The following POU6F2 variants were observed in gnomAD, a reference collection of about 807,000 sequenced individuals.
POU6F2 encodes POU domain, class 6, transcription factor 2.
Under a neutral mutation model 71.3 loss-of-function variants are expected in POU6F2, and 31 were observed. The ratio of observed to expected loss-of-function variants is 0.43; its 90% CI spans 0.33 to 0.59. The LOEUF is 0.59. Ranked by LOEUF, POU6F2 falls within the 20% of genes least tolerant of loss-of-function variation. The probability of loss-of-function intolerance (pLI) is 0.04; values close to 1 mark genes in which losing one functional copy is unlikely to be tolerated. For missense variants in POU6F2, 783 were observed against 856.8 expected (o/e 0.91, Z 1.07); for synonymous variants, 347 against 355.7 (o/e 0.98, Z 0.27).
At position 39,039,833 on chromosome 7, in the gene POU6F2, T is replaced by C. The variant is rs563864998; in HGVS notation, c.106-46027T>C. Among the ~76,000 whole-genome samples the C allele has an allele frequency of 4.6e-4, 69 of 150,854 alleles. 1 individual carries two copies. The highest frequency in any genetic ancestry group is 1.6e-3 in the African/African-American group (64 of 41,160). ...AGGTGGAGAGTGCATTTGGAAATCATACTGTGAAACCAGAAGTTTGACTGG... is the reference window on the plus strand; with the variant it reads ...AGGTGGAGAGTGCATTTGGAAATCACACTGTGAAACCAGAAGTTTGACTGG... On this transcript the variant is annotated intron_variant, in intron 1 of 9. Coordinates refer to ENST00000518318, the MANE Select transcript of POU6F2 (RefSeq NM_001370959.1).
chr7:39,015,700 T>TATATATATATAGATATATA lies in POU6F2; in HGVS notation c.105+37648_105+37649insATATAGATATATAATATAT, dbSNP rs1554308032. Among the ~76,000 whole-genome samples the TATATATATATAGATATATA allele has an allele frequency of 3.2e-4, 27 of 84,490 alleles. 1 individual carries two copies. In the East Asian group the frequency reaches 7.3e-3, roughly 23 times the overall value. The allele number at this position is 84,490 out of a possible 152,430, so 55.4% of individuals were successfully genotyped here. On this transcript the variant is annotated intron_variant, in intron 1 of 9. Coordinates refer to ENST00000518318, the MANE Select transcript of POU6F2 (RefSeq NM_001370959.1). ...ATCTATGTTATATATCTATATATTATATATATCTATGTTATATAGAGATAT... is the reference window on the plus strand; with the variant it reads ...ATCTATGTTATATATCTATATATTATATATATATATAGATATATAATATATCTATGTTATATAGAGATAT...
intron 8 of POU6F2, among the ~76,000 whole-genome samples, chr7:39,459,244 G>C (rs1271260039): frequency 6.6e-6 from 1 of 152,104 alleles, no homozygotes; most frequent in Non-Finnish European, 1.5e-5. Flanking sequence ...GACTTTTGTC[G>C]TTGTTGTTTT....
At chr7:39,329,475 A>G (rs1390406405) in intron 4 of POU6F2, among the ~76,000 whole-genome samples, 2 of 152,090 alleles carry the variant, frequency 1.3e-5, no homozygotes, top group Non-Finnish European at 2.9e-5. Context: ...TAAAATATAT[A>G]CTTTGATTCT....
intron 2 of POU6F2, among the ~76,000 whole-genome samples, chr7:39,113,643 T>A (rs1395278653): frequency 6.6e-6 from 1 of 152,222 alleles, no homozygotes; most frequent in Non-Finnish European, 1.5e-5. Context: ...TACATCTCTC[T>A]TCTTAGGTTT....
chr7:39,100,804 T>C (rs73363811), intron 2 of POU6F2, among the ~76,000 whole-genome samples: 1 of 152,142 alleles, frequency 6.6e-6, no homozygotes, highest in Non-Finnish European at 1.5e-5. Context: ...GGTTTTGTCA[T>C]TGGGTAACCA....
At chr7:39,300,756 C>T (rs1456335914) in intron 4 of POU6F2, among the ~76,000 whole-genome samples, 1 of 151,996 alleles carries the variant, frequency 6.6e-6, no homozygotes, top group African/African-American at 2.4e-5. Flanking sequence ...ATCAGGACAC[C>T]AGTCACACCA....
At chr7:39,327,758 T>A (rs145467654) in intron 4 of POU6F2, among the ~76,000 whole-genome samples, 1 of 151,858 alleles carries the variant, frequency 6.6e-6, no homozygotes, top group South Asian at 2.1e-4. Context: ...AAAACAGTCA[T>A]GTCTGACAAC....
chr7:38,987,671 G>A (rs1410426599), intron 1 of POU6F2, among the ~76,000 whole-genome samples: 2 of 152,146 alleles, frequency 1.3e-5, no homozygotes, highest in Non-Finnish European at 2.9e-5. Flanking sequence ...TGAGAAGGTA[G>A]ACAAAGTGTA....
chr7:39,296,667 A>G (rs1245878044), intron 4 of POU6F2, among the ~76,000 whole-genome samples: 1 of 152,044 alleles, frequency 6.6e-6, no homozygotes, highest in African/African-American at 2.4e-5. Flanking sequence ...ATTGGCACCA[A>G]CTCATCCTCA....
At chr7:39,344,411 G>A (rs1024433282) in intron 5 of POU6F2, among the ~76,000 whole-genome samples, 4 of 152,122 alleles carry the variant, frequency 2.6e-5, no homozygotes, top group Non-Finnish European at 4.4e-5. Context: ...CCTCTGTTGC[G>A]CAGTGGGCAT....
At chr7:39,192,357 T>G (rs1793687017) in intron 2 of POU6F2, among the ~76,000 whole-genome samples, 1 of 152,246 alleles carries the variant, frequency 6.6e-6, no homozygotes. Flanking sequence ...TTCATTCCCC[T>G]AATTTAAAGT....
chr7:39,037,658 A>AT (rs1281249534), intron 1 of POU6F2, among the ~76,000 whole-genome samples: 1 of 151,912 alleles, frequency 6.6e-6, no homozygotes, highest in South Asian at 2.1e-4. Flanking sequence ...TTATGTTTTC[A>AT]TTTTTTTATT....
At chr7:39,406,316 CCTAA>C in intron 5 of POU6F2, 1 of 424,974 alleles carries the variant, frequency 2.4e-6, no homozygotes, top group South Asian at 3.2e-5. Context: ...CCCAGAAGGT[CCTAA>C]CAGCCCACCT....
intron 4 of POU6F2, among the ~76,000 whole-genome samples, chr7:39,332,270 C>G (rs746424392): frequency 7.2e-5 from 11 of 151,992 alleles, no homozygotes; most frequent in Non-Finnish European, 1.3e-4. Context: ...CAGATTTTTC[C>G]CCTTACAGCC....
chr7:39,241,133 T>G (rs6962811), intron 4 of POU6F2, among the ~76,000 whole-genome samples: 3 of 151,906 alleles, frequency 2.0e-5, no homozygotes, highest in Non-Finnish European at 4.4e-5. Flanking sequence ...TTAGGTCGCA[T>G]GCGTACTCTT....
At chr7:39,393,921 A>G (rs889706713) in intron 5 of POU6F2, among the ~76,000 whole-genome samples, 1 of 152,264 alleles carries the variant, frequency 6.6e-6, no homozygotes, top group Admixed American at 6.5e-5. Flanking sequence ...TTTGTTCCTT[A>G]TAAGTAATTA....
chr7:39,266,395 C>T (rs1487794337), intron 4 of POU6F2, among the ~76,000 whole-genome samples: 1 of 152,140 alleles, frequency 6.6e-6, no homozygotes, highest in Non-Finnish European at 1.5e-5. Context: ...GCCAATTTCC[C>T]CAGGAAATCA....
intron 2 of POU6F2, among the ~76,000 whole-genome samples, chr7:39,173,273 T>C (rs1334746989): frequency 6.6e-6 from 1 of 152,218 alleles, no homozygotes; most frequent in Non-Finnish European, 1.5e-5. Context: ...ATAGCACAGC[T>C]GTAGAGAGCT....
chr7:39,037,469 T>C (rs1162067304), intron 1 of POU6F2, among the ~76,000 whole-genome samples: 2 of 151,914 alleles, frequency 1.3e-5, no homozygotes, highest in Non-Finnish European at 2.9e-5. Flanking sequence ...AGACCCAAAC[T>C]GGCTTTTCTT....
Sources: gnomAD v4.1 joint callset for allele counts (sites outside exome capture counted in the v4.1 genomes callset) on GRCh38, gnomAD v4.1.1 for gene constraint, MANE v1.5 for transcripts, NCBI Gene and HGNC (gene_info 2026-07-23, HGNC 2026-07-21) for gene names.